Variants in MTMR7 observed in about 807,000 individuals in gnomAD.
MTMR7 encodes phosphatidylinositol-3-phosphate phosphatase MTMR7.
MTMR7 carries 76 observed loss-of-function variants against 81.2 expected under a neutral mutation model. That is an observed-to-expected ratio of 0.94 (90% confidence interval 0.78 to 1.13). The LOEUF is 1.13. MTMR7 is among the 50% of genes most tolerant of loss of function. The pLI is 0.00. For missense variants in MTMR7, 1,044 were observed against 820.0 expected (o/e 1.27, Z -3.34); for synonymous variants, 372 against 289.8 (o/e 1.28, Z -2.88).
intron 3 of MTMR7, among the ~76,000 whole-genome samples, chr8:17,369,638 TTTC>T (rs1269563532): frequency 1.9e-4 from 27 of 142,646 alleles, no homozygotes; most frequent in African/African-American, 6.8e-4. Context: ...TATTTCTTTT[TTTC>T]TTTTTTTTTT....
In MTMR7 at chr8:17,335,760, T is replaced by C. The variant is rs572008465; in HGVS notation, c.733-4478A>G. Reference sequence around the variant, plus strand: ...AACTGTGCTAGTCAAAATCCTCCTTTCTACCCGCTAAGGACCTCTTGGGCA... The same window carrying C: ...AACTGTGCTAGTCAAAATCCTCCTTCCTACCCGCTAAGGACCTCTTGGGCA... On this transcript the variant is annotated intron_variant, in intron 6 of 13. Coordinates refer to ENST00000180173, the MANE Select transcript of MTMR7 (RefSeq NM_004686.5). 4.6e-5 allele frequency among the ~76,000 whole-genome samples: 7 copies of C among 152,356 alleles called. No individual in the cohort carries two copies. The South Asian group carries it at 1.0e-3, about 23-fold the overall frequency.
chr8:17,353,220 T>C (rs1255565417), intron 4 of MTMR7, among the ~76,000 whole-genome samples: 2 of 152,186 alleles, frequency 1.3e-5, no homozygotes, highest in South Asian at 2.1e-4. Context: ...TCCACTTATA[T>C]GAGGTATCTA....
At chr8:17,329,952 G>A (rs17687618) in intron 7 of MTMR7, among the ~76,000 whole-genome samples, 20 of 152,188 alleles carry the variant, frequency 1.3e-4, no homozygotes, top group African/African-American at 4.3e-4. Context: ...GATGTAGGAA[G>A]GGATTTCTGC....
intron 3 of MTMR7, among the ~76,000 whole-genome samples, chr8:17,362,316 T>C (rs1820084709): frequency 6.6e-6 from 1 of 152,224 alleles, no homozygotes; most frequent in African/African-American, 2.4e-5. Context: ...ATACCTCAGT[T>C]TGCAGTAGCG....
intron 7 of MTMR7, among the ~76,000 whole-genome samples, chr8:17,315,717 A>G (rs1200300083): frequency 2.0e-5 from 3 of 152,156 alleles, no homozygotes; most frequent in African/African-American, 7.2e-5. Flanking sequence ...AAAAAAAAAC[A>G]AAACAGAAAA....
At chr8:17,398,555 T>C (rs1193405515) in intron 1 of MTMR7, among the ~76,000 whole-genome samples, 1 of 151,742 alleles carries the variant, frequency 6.6e-6, no homozygotes, top group Non-Finnish European at 1.5e-5. Flanking sequence ...GCCTACAAGA[T>C]CCAGAAAGCC....
At chr8:17,353,880 A>C (rs1819808531) in intron 4 of MTMR7, among the ~76,000 whole-genome samples, 1 of 152,168 alleles carries the variant, frequency 6.6e-6, no homozygotes, top group Non-Finnish European at 1.5e-5. Context: ...TCTTTCACTC[A>C]TTCAACAAGC....
chr8:17,374,920 C>T (rs1820529765), intron 1 of MTMR7, among the ~76,000 whole-genome samples: 1 of 152,022 alleles, frequency 6.6e-6, no homozygotes, highest in Admixed American at 6.6e-5. Flanking sequence ...GAAACCCCGT[C>T]TCTACTAAAA....
At chr8:17,367,449 T>G (rs561803491) in intron 3 of MTMR7, among the ~76,000 whole-genome samples, 1 of 152,122 alleles carries the variant, frequency 6.6e-6, no homozygotes, top group Non-Finnish European at 1.5e-5. Flanking sequence ...TATTAATACA[T>G]TAGATCTACA....
At position 17,371,023 on chromosome 8, in the gene MTMR7, T is replaced by C. The variant is rs1463781159; in HGVS notation, c.310+14A>G. 1 of 1,600,626 alleles carries C rather than the reference T, an allele frequency of 6.2e-7. No homozygotes were observed. The highest frequency in any genetic ancestry group is 8.5e-7 in the Non-Finnish European group (1 of 1,174,172). On this transcript the variant is annotated intron_variant, in intron 3 of 13. Transcript: ENST00000180173. ...GAGAGGTTCCATATTAAATGCCGAG[T>C]TCCTCTGCCCTACCTGGCCTTGCAA...
intron 6 of MTMR7, among the ~76,000 whole-genome samples, 160 bp downstream of exon 6, chr8:17,341,202 AG>A (rs762478071): frequency 9.2e-5 from 14 of 152,250 alleles, no homozygotes; most frequent in Non-Finnish European, 2.1e-4. Flanking sequence ...CTAGACCTCC[AG>A]GAAGTAGCCA....
rs778696608 is a variant in MTMR7, at chr8:17,302,252, C to G, written c.1522G>C (p.Glu508Gln). 1 of 1,613,996 alleles carries G rather than the reference C, an allele frequency of 6.2e-7. No individual in the cohort carries two copies. Among genetic ancestry groups the G allele is most frequent in the Non-Finnish European group, 8.5e-7 (1 of 1,179,948 alleles). Residue 508 changes from glutamate to glutamine, a missense_variant, in exon 13 of 14, where the codon GAA (glutamate) becomes CAA (glutamine). Glu to Gln is a conservative substitution (Grantham distance 29). Transcript: ENST00000180173. ...KFWSGMYNRF[E>Q]KGMQPRQSVT... ...GACTGTCGGGGCTGCATCCCCTTTTCAAAGCGGTTATACATTCCACTCCAA... is the reference window on the plus strand; with the variant it reads ...GACTGTCGGGGCTGCATCCCCTTTTGAAAGCGGTTATACATTCCACTCCAA...
At chr8:17,342,922 G>C (rs1176386539) in intron 5 of MTMR7, among the ~76,000 whole-genome samples, 1 of 151,992 alleles carries the variant, frequency 6.6e-6, no homozygotes, top group Non-Finnish European at 1.5e-5. Context: ...CAGGAGCAAG[G>C]GGAAGTGAAG....
At chr8:17,403,522 T>G (rs1821488214) in intron 1 of MTMR7, among the ~76,000 whole-genome samples, 1 of 152,198 alleles carries the variant, frequency 6.6e-6, no homozygotes, top group Admixed American at 6.5e-5. Context: ...TTCCTCCAGT[T>G]TTGTTCTTTT....
At chr8:17,361,419 G>A in intron 3 of MTMR7, 145 bp from the exon 4 acceptor site, 1 of 801,396 alleles carries the variant, frequency 1.2e-6, no homozygotes, top group Non-Finnish European at 2.0e-6. Context: ...TAACCTGTGT[G>A]CAGTGGATAG....
At chr8:17,322,956 T>TA (rs1288023457) in intron 7 of MTMR7, among the ~76,000 whole-genome samples, 1 of 148,826 alleles carries the variant, frequency 6.7e-6, no homozygotes, top group South Asian at 2.1e-4. Context: ...TTATCTTTTT[T>TA]TTTTTTTTTT....
intron 1 of MTMR7, among the ~76,000 whole-genome samples, chr8:17,375,510 T>C (rs1412742472): frequency 6.6e-6 from 1 of 151,950 alleles, no homozygotes; most frequent in East Asian, 1.9e-4. Context: ...AGAATTCTTT[T>C]GTTACTGATA....
intron 7 of MTMR7, among the ~76,000 whole-genome samples, chr8:17,326,886 C>A (rs1818710538): frequency 6.6e-6 from 1 of 152,092 alleles, no homozygotes; most frequent in East Asian, 1.9e-4. Context: ...TAATAAATAT[C>A]ATTTTTTAAA....
chr8:17,364,385 A>T (rs550354098), intron 3 of MTMR7, among the ~76,000 whole-genome samples: 12 of 152,338 alleles, frequency 7.9e-5, no homozygotes, highest in African/African-American at 2.9e-4. Flanking sequence ...AATTCAAGCT[A>T]ATTAACATAT....
Sources: gnomAD v4.1 joint callset for allele counts (sites outside exome capture counted in the v4.1 genomes callset) on GRCh38, gnomAD v4.1.1 for gene constraint, MANE v1.5 for transcripts, NCBI Gene and HGNC (gene_info 2026-07-23, HGNC 2026-07-21) for gene names.